Variants in TEAD1 observed in about 807,000 individuals in gnomAD.
TEAD1 encodes the protein transcriptional enhancer factor TEF-1.
A neutral mutation model predicts 54.9 loss-of-function variants in TEAD1; 9 were observed. The ratio of observed to expected loss-of-function variants is 0.16; its 90% CI spans 0.10 to 0.29. TEAD1 has a LOEUF of 0.29. Among genes scored for constraint, TEAD1 ranks in the 10% least tolerant of loss-of-function variants. The pLI is 1.00. For synonymous variants in TEAD1, 200 were observed against 187.8 expected, an observed-to-expected ratio of 1.07 and a Z score of -0.53; for missense variants, 387 against 535.9, an observed-to-expected ratio of 0.72 and a Z score of 2.74.
chr11:12,934,103 C>T (rs1949057378), intron 12 of TEAD1, among the ~76,000 whole-genome samples: 1 of 152,136 alleles, frequency 6.6e-6, no homozygotes, highest in Non-Finnish European at 1.5e-5. Flanking sequence ...TTTATTAGAG[C>T]ACTATTCACA....
intron 3 of TEAD1, among the ~76,000 whole-genome samples, chr11:12,775,487 G>A (rs1278783030): frequency 1.3e-5 from 2 of 152,106 alleles, no homozygotes; most frequent in African/African-American, 4.8e-5. Flanking sequence ...TCCATTTTAC[G>A]TGAAAGCGTG....
At chr11:12,891,982 T>G (rs1273160473) in intron 9 of TEAD1, among the ~76,000 whole-genome samples, 1 of 152,118 alleles carries the variant, frequency 6.6e-6, no homozygotes, top group Admixed American at 6.5e-5. Flanking sequence ...GACGTGGATG[T>G]GGGAGTTAGC....
intron 10 of TEAD1, among the ~76,000 whole-genome samples, chr11:12,903,020 T>TC (rs1304231278): frequency 6.6e-6 from 1 of 152,178 alleles, no homozygotes; most frequent in Admixed American, 6.5e-5. Flanking sequence ...TTTGGAGGTG[T>TC]CCCCCTTCCT....
At chr11:12,697,493 A>G (rs1040847346) in intron 2 of TEAD1, among the ~76,000 whole-genome samples, 1 of 152,224 alleles carries the variant, frequency 6.6e-6, no homozygotes, top group African/African-American at 2.4e-5. Flanking sequence ...TTTAGAGGAT[A>G]GATTTTTTTG....
intron 2 of TEAD1, among the ~76,000 whole-genome samples, chr11:12,754,261 A>G (rs1250071170): frequency 2.0e-5 from 3 of 152,192 alleles, no homozygotes; most frequent in African/African-American, 7.2e-5. Context: ...TCTCACTTTT[A>G]TCCAGCATCC....
At chr11:12,812,740 G>A (rs1394906104) in intron 3 of TEAD1, among the ~76,000 whole-genome samples, 1 of 152,158 alleles carries the variant, frequency 6.6e-6, no homozygotes, top group Non-Finnish European at 1.5e-5. Flanking sequence ...TCCAGAATCA[G>A]GCCATGCATC....
intron 3 of TEAD1, among the ~76,000 whole-genome samples, chr11:12,849,766 A>G (rs796310390): frequency 6.6e-6 from 1 of 152,304 alleles, no homozygotes; most frequent in African/African-American, 2.4e-5. Flanking sequence ...AATTTTAAGA[A>G]TTTTGGCTAT....
At chr11:12,716,302 G>A (rs748764934) in intron 2 of TEAD1, among the ~76,000 whole-genome samples, 54 of 152,032 alleles carry the variant, frequency 3.6e-4, no homozygotes, top group Non-Finnish European at 6.5e-4. Context: ...CTGCGAGGGA[G>A]TGCAGCAGAG....
chr11:12,739,380 A>G (rs867880831), intron 2 of TEAD1, among the ~76,000 whole-genome samples: 13 of 152,346 alleles, frequency 8.5e-5, no homozygotes, highest in South Asian at 2.1e-4. Flanking sequence ...CGTCACCACC[A>G]TCCATGCACA....
At chr11:12,740,634 G>A (rs533184996) in intron 2 of TEAD1, among the ~76,000 whole-genome samples, 7 of 152,268 alleles carry the variant, frequency 4.6e-5, no homozygotes, top group Middle Eastern at 3.4e-3. Context: ...AGAGAAGTGA[G>A]TGCCAAGCAA....
At chr11:12,756,290 T>C (rs1944982907) in intron 2 of TEAD1, among the ~76,000 whole-genome samples, 1 of 152,354 alleles carries the variant, frequency 6.6e-6, no homozygotes, top group African/African-American at 2.4e-5. Context: ...GCTGCTGTCG[T>C]TGTGGCACAT....
chr11:12,877,030 G>A (rs191093458), intron 5 of TEAD1, among the ~76,000 whole-genome samples: 12 of 152,248 alleles, frequency 7.9e-5, no homozygotes, highest in Non-Finnish European at 1.5e-4. Context: ...GGCATCCTCA[G>A]TATCTGACAT....
At chr11:12,826,278 A>G (rs1465421420) in intron 3 of TEAD1, among the ~76,000 whole-genome samples, 1 of 152,204 alleles carries the variant, frequency 6.6e-6, no homozygotes. Context: ...ACTCAAAAAT[A>G]TTACCACTTT....
intron 2 of TEAD1, among the ~76,000 whole-genome samples, chr11:12,748,513 G>A (rs1182156214): frequency 6.6e-6 from 1 of 152,196 alleles, no homozygotes; most frequent in East Asian, 1.9e-4. Flanking sequence ...TCCTGAGTGA[G>A]TGGGGATCTG....
intron 5 of TEAD1, among the ~76,000 whole-genome samples, chr11:12,869,265 A>G (rs1470443186): frequency 2.0e-5 from 3 of 152,154 alleles, no homozygotes; most frequent in African/African-American, 7.2e-5. Flanking sequence ...AGGGAGGCTA[A>G]TTCCTGGGCT....
intron 2 of TEAD1, among the ~76,000 whole-genome samples, chr11:12,696,593 G>T (rs1258798702): frequency 6.6e-6 from 1 of 152,158 alleles, no homozygotes; most frequent in Non-Finnish European, 1.5e-5. Context: ...TGATTCAGGG[G>T]TCTTCAGATG....
intron 9 of TEAD1, among the ~76,000 whole-genome samples, chr11:12,893,157 A>G (rs1376688088): frequency 6.6e-6 from 1 of 152,218 alleles, no homozygotes; most frequent in Non-Finnish European, 1.5e-5. Context: ...CGGAAAGTAC[A>G]TTTGGCCTTC....
intron 3 of TEAD1, among the ~76,000 whole-genome samples, chr11:12,832,075 TA>T (rs1160331830): frequency 6.6e-6 from 1 of 152,072 alleles, no homozygotes; most frequent in Non-Finnish European, 1.5e-5. Flanking sequence ...TGACTCCCAA[TA>T]AACCACACTG....
At chr11:12,684,727 G>A (rs1390206508) in intron 2 of TEAD1, among the ~76,000 whole-genome samples, 1 of 152,156 alleles carries the variant, frequency 6.6e-6, no homozygotes, top group African/African-American at 2.4e-5. Flanking sequence ...TGTGGCTGCT[G>A]TTAAAACCTA....
Sources: allele counts gnomAD v4.1 joint callset (sites outside exome capture counted in the v4.1 genomes callset), GRCh38; gene constraint gnomAD v4.1.1; transcripts MANE v1.5; gene names NCBI Gene and HGNC (gene_info 2026-07-23, HGNC 2026-07-21).